NAV3: variants seen among roughly 807,000 people sequenced by gnomAD.
The protein encoded by NAV3 is pore membrane and/or filament interacting like protein 1.
In NAV3, 87 loss-of-function variants were observed where a neutral mutation model predicts 244.7. The ratio of observed to expected loss-of-function variants is 0.36; its 90% CI spans 0.30 to 0.42. The LOEUF is 0.42. Ranked by LOEUF, NAV3 falls within the 20% of genes least tolerant of loss-of-function variation. The probability of loss-of-function intolerance (pLI) is 1.00; values close to 1 mark genes in which losing one functional copy is unlikely to be tolerated. For synonymous variants in NAV3, 1,126 were observed against 1,042.2 expected (o/e 1.08, Z -1.55); for missense variants, 2,663 against 2,893.3 (o/e 0.92, Z 1.83).
rs190557630 is a variant in NAV3 at position 77,987,987 on chromosome 12, G to A, written c.672-6816G>A. Among the ~76,000 whole-genome samples the A allele has an allele frequency of 6.6e-5, 10 of 152,220 alleles. No individual in the cohort carries two copies. In the East Asian group the frequency reaches 1.7e-3, roughly 26 times the overall value. ...CAGATGTGGCTGTTGTGTCAGGAAC[G>A]CTAAAATGATGAAGTCTGTAAGAAG... On this transcript the variant is annotated intron_variant, in intron 5 of 39. Coordinates refer to ENST00000397909, the MANE Select transcript of NAV3 (RefSeq NM_001024383.2).
At chr12:77,811,395 T>C (rs1241902941) in intron 2 of NAV3, among the ~76,000 whole-genome samples, 2 of 152,204 alleles carry the variant, frequency 1.3e-5, no homozygotes, top group Non-Finnish European at 2.9e-5. Context: ...AAAGCATGTA[T>C]TAAGGGAAGC....
At chr12:78,105,700 T>C (rs1954766460) in intron 12 of NAV3, among the ~76,000 whole-genome samples, 1 of 152,016 alleles carries the variant, frequency 6.6e-6, no homozygotes, top group Admixed American at 6.5e-5. Flanking sequence ...TTCTTTCAGA[T>C]AATGTTTGCA....
chr12:77,855,572 T>C (rs1878273089), intron 1 of NAV3, among the ~76,000 whole-genome samples: 1 of 152,198 alleles, frequency 6.6e-6, no homozygotes, highest in African/African-American at 2.4e-5. Flanking sequence ...TTCACATCCA[T>C]CTTGAATCTG....
chr12:78,117,814 G>A (rs535450039), intron 13 of NAV3, among the ~76,000 whole-genome samples: 93 of 152,138 alleles, frequency 6.1e-4, no homozygotes, highest in African/African-American at 1.9e-3. Flanking sequence ...TTTCTGTAGC[G>A]TTTAATTGGT....
At chr12:78,084,118 AAT>A (rs1299711938) in intron 12 of NAV3, among the ~76,000 whole-genome samples, 1 of 152,162 alleles carries the variant, frequency 6.6e-6, no homozygotes, top group African/African-American at 2.4e-5. Flanking sequence ...TGTGCACAGA[AAT>A]CCTACATTTC....
intron 1 of NAV3, among the ~76,000 whole-genome samples, chr12:77,923,774 A>G (rs1239459598): frequency 6.6e-6 from 1 of 152,148 alleles, no homozygotes; most frequent in Non-Finnish European, 1.5e-5. Context: ...AATGAATGGA[A>G]CTGCTGGGAA....
At chr12:78,076,457 G>A (rs980082722) in intron 12 of NAV3, among the ~76,000 whole-genome samples, 18 of 152,024 alleles carry the variant, frequency 1.2e-4, no homozygotes, top group Non-Finnish European at 1.0e-4. Flanking sequence ...CATACCCAAA[G>A]ACAGGGACTC....
intron 34 of NAV3, among the ~76,000 whole-genome samples, chr12:78,195,841 A>G (rs1959168957): frequency 1.3e-5 from 2 of 151,998 alleles, no homozygotes; most frequent in African/African-American, 2.4e-5. Context: ...CATTTGTAAC[A>G]TTTAAATTCC....
chr12:77,843,213 C>T (rs1333104715), intron 1 of NAV3, among the ~76,000 whole-genome samples: 1 of 152,096 alleles, frequency 6.6e-6, no homozygotes, highest in African/African-American at 2.4e-5. Flanking sequence ...TGCCTTCCTC[C>T]ATTGAATACA....
intron 1 of NAV3, among the ~76,000 whole-genome samples, chr12:77,849,119 TA>T (rs1245683958): frequency 6.6e-6 from 1 of 152,192 alleles, no homozygotes; most frequent in Non-Finnish European, 1.5e-5. Context: ...CCAATGTAAT[TA>T]AAATTAAATT....
At chr12:77,722,728 T>G (rs10745587) in intron 2 of NAV3, among the ~76,000 whole-genome samples, 98,232 of 151,900 alleles carry the variant, frequency 0.65, 35,600 homozygotes, top group East Asian at 0.89. Context: ...AATAAAAGCA[T>G]GAACTGAACT....
chr12:78,013,159 T>C (rs1325485454), intron 8 of NAV3, among the ~76,000 whole-genome samples: 1 of 152,162 alleles, frequency 6.6e-6, no homozygotes, highest in Non-Finnish European at 1.5e-5. Context: ...TTATTTTTTA[T>C]CTTCTTTCAA....
At chr12:78,000,106 A>G (rs550006447) in intron 7 of NAV3, among the ~76,000 whole-genome samples, 4 of 152,198 alleles carry the variant, frequency 2.6e-5, no homozygotes, top group Non-Finnish European at 1.5e-5. Context: ...TCTGGCATCT[A>G]TTAGTAAAAT....
intron 1 of NAV3, among the ~76,000 whole-genome samples, chr12:77,859,982 G>A (rs2136324621): frequency 6.6e-6 from 1 of 151,748 alleles, no homozygotes. Context: ...AGTAAGTAAA[G>A]CACAATTAAA....
chr12:78,140,790 G>A (rs1201072360), intron 20 of NAV3, among the ~76,000 whole-genome samples: 1 of 149,712 alleles, frequency 6.7e-6, no homozygotes, highest in Non-Finnish European at 1.5e-5. Context: ...AAGCAGTAAG[G>A]GTAAAGGGTA....
chr12:77,835,805 A>T (rs761415464), intron 1 of NAV3, among the ~76,000 whole-genome samples: 2 of 152,134 alleles, frequency 1.3e-5, no homozygotes, highest in Non-Finnish European at 2.9e-5. Flanking sequence ...ATATCTTATA[A>T]TGTCTTCATT....
chr12:78,141,674 A>C (rs767779494), intron 20 of NAV3, among the ~76,000 whole-genome samples: 1 of 152,222 alleles, frequency 6.6e-6, no homozygotes, highest in African/African-American at 2.4e-5. Flanking sequence ...AAAATTACCC[A>C]TAGCTTCTAG....
chr12:78,037,281 G>C lies in NAV3; in HGVS notation c.2024-12712G>C, dbSNP rs550890371. 5.7e-6 allele frequency: 4 copies of C among 703,010 alleles called. No homozygotes were observed. In the Admixed American group the frequency reaches 6.0e-5, roughly 11 times the overall value. 43.5% of individuals were successfully genotyped at this position (703,010 alleles called of 1,614,324 possible). A position where few individuals can be genotyped will look rare whatever the true frequency, so the allele number is the denominator to read the frequency against. ...CAGCATCAGCAGAAGCTGGGCTGAA[G>C]AGGAGGGAGAAAGCTGTTTGCGGGA... On this transcript the variant is annotated intron_variant, in intron 9 of 39. Coordinates refer to ENST00000397909, the MANE Select transcript of NAV3 (RefSeq NM_001024383.2).
At chr12:78,017,671 T>A (rs1630707) in intron 8 of NAV3, among the ~76,000 whole-genome samples, 150,997 of 152,250 alleles carry the variant, frequency 0.99, 74,895 homozygotes, top group East Asian at 1. Flanking sequence ...TGCCACTGCA[T>A]TATTCACTAT....
Sources: allele counts gnomAD v4.1 joint callset (sites outside exome capture counted in the v4.1 genomes callset), GRCh38; gene constraint gnomAD v4.1.1; transcripts MANE v1.5; gene names NCBI Gene and HGNC (gene_info 2026-07-23, HGNC 2026-07-21).